Variants in SMAD1 observed in about 807,000 individuals in gnomAD.
SMAD1 encodes the protein SMAD family member 1, also known as MAD, mothers against decapentaplegic homolog 1.
SMAD1 carries 6 observed loss-of-function variants against 41.6 expected under a neutral mutation model. The ratio of observed to expected loss-of-function variants is 0.14; its 90% CI spans 0.08 to 0.28. The LOEUF (loss-of-function observed/expected upper bound fraction) is 0.28, where lower values mean the gene tolerates loss of function less well. Ranked by LOEUF, SMAD1 falls within the 10% of genes least tolerant of loss-of-function variation. The pLI, the probability that SMAD1 is intolerant of heterozygous loss-of-function variation, is 1.00. For synonymous variants in SMAD1, 206 were observed against 203.2 expected (o/e 1.01, Z -0.12); for missense variants, 379 against 582.6 (o/e 0.65, Z 3.60).
chr4:145,520,707 C>G (rs1560743687), intron 2 of SMAD1, among the ~76,000 whole-genome samples: 1 of 152,138 alleles, frequency 6.6e-6, no homozygotes, highest in Non-Finnish European at 1.5e-5. Context: ...GGGGAGAAGT[C>G]TATGCTTTTG....
chr4:145,522,193 G>A (rs978215981), intron 2 of SMAD1, among the ~76,000 whole-genome samples: 2 of 152,074 alleles, frequency 1.3e-5, no homozygotes, highest in African/African-American at 2.4e-5. Context: ...CCAGCTACTC[G>A]GGAGGCTGAG....
In SMAD1 at chr4:145,557,672, G is replaced by GC. The variant is rs1342291261; in HGVS notation, c.1255-119_1255-118insC. ...TTTTTTTCTCCCCAGGGGCGGGGGG[G>GC]TCAGGGAGGAAAGATGCATAGCTTT... On this transcript the variant is annotated intron_variant, in intron 6 of 6. Transcript: ENST00000302085. The GC allele has an allele frequency of 4.3e-6, 3 of 697,672 alleles. No homozygotes were observed. In the Admixed American group the frequency reaches 8.3e-5, roughly 19 times the overall value. The allele number at this position is 697,672 out of a possible 1,614,324, so 43.2% of individuals were successfully genotyped here.
intron 3 of SMAD1, among the ~76,000 whole-genome samples, chr4:145,540,986 T>G (rs1206466238): frequency 3.9e-5 from 6 of 152,176 alleles, no homozygotes; most frequent in Admixed American, 6.5e-5. Flanking sequence ...CTTCTTTTAT[T>G]TAAATCTTGT....
chr4:145,524,210 TATA>T (rs1313064428), intron 2 of SMAD1, among the ~76,000 whole-genome samples: 6 of 152,360 alleles, frequency 3.9e-5, no homozygotes, highest in African/African-American at 1.2e-4. Flanking sequence ...TATTTTCATC[TATA>T]ATATTACTAG....
At chr4:145,536,551 G>A (rs1731625039) in intron 2 of SMAD1, among the ~76,000 whole-genome samples, 1 of 152,148 alleles carries the variant, frequency 6.6e-6, no homozygotes, top group Non-Finnish European at 1.5e-5. Context: ...AATCCATGAA[G>A]CCATACTGAT....
chr4:145,523,442 A>G (rs1203651928), intron 2 of SMAD1, among the ~76,000 whole-genome samples: 1 of 152,238 alleles, frequency 6.6e-6, no homozygotes, highest in Non-Finnish European at 1.5e-5. Flanking sequence ...TTTTGGACAT[A>G]CAATAAAATA....
In SMAD1 at chr4:145,519,212, C is replaced by T. The variant is rs570571649; in HGVS notation, c.400+4199C>T. Among the ~76,000 whole-genome samples the T allele has an allele frequency of 3.9e-4, 30 of 75,956 alleles. 5 individuals carry two copies. Among genetic ancestry groups the T allele is most frequent in the Middle Eastern group, 0.011 (2 of 184 alleles). 49.8% of individuals were successfully genotyped at this position (75,956 alleles called of 152,430 possible). A position where few individuals can be genotyped will look rare whatever the true frequency, so the allele number is the denominator to read the frequency against. On this transcript the variant is annotated intron_variant, in intron 2 of 6. Transcript: ENST00000302085. ...CCAGGATCAAGAGATTCTCCTGCCT[C>T]AGCCTCCCGAGTAGCTAGGATTACA... is the stretch of plus-strand genomic sequence containing the variant.
rs929228979 is a variant in SMAD1 at position 145,482,141 on chromosome 4, G to C, written c.-177+103G>C. 3 of 151,822 alleles carry C rather than the reference G, an allele frequency of 2.0e-5. No individual in the cohort carries two copies. The highest frequency in any genetic ancestry group is 2.9e-5 in the Non-Finnish European group (2 of 68,004). The allele number at this position is 151,822 out of a possible 1,614,324, so 9.4% of individuals were successfully genotyped here. On this transcript the variant is annotated intron_variant, in intron 1 of 6. Coordinates refer to ENST00000302085, the MANE Select transcript of SMAD1 (RefSeq NM_005900.3). The surrounding 1 kb of genome is among the most constrained non-coding windows in gnomAD (Gnocchi z 4.2). Reference sequence around the variant, plus strand: ...AGCGCCGCCGCCGCCGTCTCTGCACGCGTGGGGCCGCCGCGGTCGTGCTGG... The same window carrying C: ...AGCGCCGCCGCCGCCGTCTCTGCACCCGTGGGGCCGCCGCGGTCGTGCTGG...
intron 3 of SMAD1, among the ~76,000 whole-genome samples, chr4:145,541,464 C>G (rs1381761853): frequency 1.3e-5 from 2 of 152,186 alleles, no homozygotes. Flanking sequence ...GTCTTTGTTC[C>G]TGGCTTGAGA....
Position 145,546,705 on chromosome 4 carries a change from G to A in SMAD1, c.778G>A (p.Val260Ile), listed in dbSNP as rs1732269902. Residue 260 changes from valine to isoleucine, a missense_variant and splice_region_variant, in exon 5 of 7, where the codon GTT becomes ATT. Transcript: ENST00000302085. ...ATATAACATTTTCTTTCCTCTAGAT[G>A]TTCAGGCGGTTGCTTATGAGGAACC... ...PLPSEINRGD[V>I]QAVAYEEPKH... 4 of 1,610,674 alleles carry A rather than the reference G, an allele frequency of 2.5e-6. No homozygotes were observed. Among genetic ancestry groups the A allele is most frequent in the Non-Finnish European group, 3.4e-6 (4 of 1,178,000 alleles).
Position 145,482,233 on chromosome 4 carries a change from C to G in SMAD1, c.-177+195C>G, listed in dbSNP as rs1029880338. Among the ~76,000 whole-genome samples, 35 of 150,478 alleles carry G rather than the reference C, an allele frequency of 2.3e-4. No individual in the cohort carries two copies. Among genetic ancestry groups the G allele is most frequent in the African/African-American group, 7.3e-4 (30 of 41,326 alleles). On this transcript the variant is annotated intron_variant, in intron 1 of 6. Transcript: ENST00000302085. The surrounding 1 kb of genome is among the most constrained non-coding windows in gnomAD (Gnocchi z 4.2). ...GCGGGGCGGGCCGCGACCCCCCCCC[C>G]CCATGATGGCGCCTCCCGTCTGCTC...
At chr4:145,543,861 T>C (rs1198902806) in intron 4 of SMAD1, among the ~76,000 whole-genome samples, 1 of 152,270 alleles carries the variant, frequency 6.6e-6, no homozygotes, top group Non-Finnish European at 1.5e-5. Flanking sequence ...GCAATTTATA[T>C]AATGTTTATG....
At chr4:145,499,951 T>C (rs1729334231) in intron 1 of SMAD1, among the ~76,000 whole-genome samples, 1 of 152,200 alleles carries the variant, frequency 6.6e-6, no homozygotes, top group African/African-American at 2.4e-5. Flanking sequence ...TCTCGCTCAG[T>C]CTTACAGTTC....
chr4:145,494,909 G>A (rs1274029089), intron 1 of SMAD1, among the ~76,000 whole-genome samples: 1 of 152,142 alleles, frequency 6.6e-6, no homozygotes, highest in African/African-American at 2.4e-5. Context: ...GAGGAGAGCA[G>A]AGACAGAAAG....
At chr4:145,515,051 C>A in intron 2 of SMAD1, 38 bp downstream of exon 2, 1 of 1,538,276 alleles carries the variant, frequency 6.5e-7, no homozygotes, top group South Asian at 1.3e-5. Context: ...CTTTGTGTGC[C>A]CAGTACCAGA....
chr4:145,509,297 C>A (rs1284301637), intron 1 of SMAD1, among the ~76,000 whole-genome samples: 1 of 152,182 alleles, frequency 6.6e-6, no homozygotes, highest in Non-Finnish European at 1.5e-5. Context: ...GTATGTTAGA[C>A]ATGTTTGCTT....
Position 145,515,008 on chromosome 4 carries a change from G to C in SMAD1, c.395G>C (p.Ser132Thr). ...CCCTACCACTATAAGAGAGTAGAAAGCCCTGGTAAGTGAGTTATTTTATGT... is the reference window on the plus strand; with the variant it reads ...CCCTACCACTATAAGAGAGTAGAAACCCCTGGTAAGTGAGTTATTTTATGT... The part of the protein sequence containing the change: ...INPYHYKRVE[S>T]PVLPPVLVPR... Residue 132 changes from serine to threonine, a missense_variant, in exon 2 of 7, where the codon AGC becomes ACC. Coordinates refer to ENST00000302085, the MANE Select transcript of SMAD1 (RefSeq NM_005900.3). The C allele has an allele frequency of 6.3e-7, 1 of 1,598,454 alleles. No homozygotes were observed. The highest frequency in any genetic ancestry group is 1.3e-5 in the African/African-American group (1 of 74,530).
At chr4:145,493,121 C>A (rs1160818382) in intron 1 of SMAD1, among the ~76,000 whole-genome samples, 1 of 152,182 alleles carries the variant, frequency 6.6e-6, no homozygotes, top group Non-Finnish European at 1.5e-5. Context: ...CCCTACCCAT[C>A]CTTAAGTCCT....
chr4:145,507,548 G>C (rs919737345), intron 1 of SMAD1, among the ~76,000 whole-genome samples: 1 of 150,878 alleles, frequency 6.6e-6, no homozygotes, highest in Non-Finnish European at 1.5e-5. Flanking sequence ...GAAAATCTTT[G>C]TGCAAAAACA....
Sources: gnomAD v4.1 joint callset for allele counts (sites outside exome capture counted in the v4.1 genomes callset) on GRCh38, gnomAD v4.1.1 for gene constraint, Gnocchi (gnomAD v3.1) non-coding constraint, MANE v1.5 for transcripts, NCBI Gene and HGNC (gene_info 2026-07-23, HGNC 2026-07-21) for gene names.